HMCN2: variants seen among roughly 807,000 people sequenced by gnomAD.
HMCN2 encodes hemicentin-2.
Under a neutral mutation model 377.5 loss-of-function variants are expected in HMCN2, and 325 were observed. The ratio of observed to expected loss-of-function variants is 0.86; its 90% confidence interval spans 0.79 to 0.94. The LOEUF is 0.94. Among genes scored for constraint, HMCN2 ranks in the 40% least tolerant of loss-of-function variants. The pLI, the probability that HMCN2 is intolerant of heterozygous loss-of-function variation, is 0.00. For synonymous variants in HMCN2, 2,007 were observed against 2,046.8 expected (o/e 0.98, Z 0.53); for missense variants, 4,543 against 4,725.3 (o/e 0.96, Z 1.13).
chr9:130,380,559 G>A (rs1841654850), intron 54 of HMCN2, among the ~76,000 whole-genome samples: 1 of 152,108 alleles, frequency 6.6e-6, no homozygotes. Flanking sequence ...GGCTGAGGTG[G>A]GAGGATCGCT....
rs116669085 is a variant in HMCN2 at position 130,406,858 on chromosome 9, C to T, written c.12553+690C>T. The T allele has an allele frequency of 2.5e-3, 387 of 154,202 alleles. 1 individual carries two copies. The highest frequency in any genetic ancestry group is 8.8e-3 in the African/African-American group (368 of 41,596). The allele number at this position is 154,202 out of a possible 1,614,324, so 9.6% of individuals were successfully genotyped here. A position where few individuals can be genotyped will look rare whatever the true frequency, so the allele number is the denominator to read the frequency against. ...GACAATGGAGGGGCCGTGCTCGGCA[C>T]AGGCCTGGCCCGGAGTAGATGCCCA... On this transcript the variant is annotated intron_variant, in intron 82 of 97. Coordinates refer to ENST00000683500, the MANE Select transcript of HMCN2 (RefSeq NM_001291815.2).
At chr9:130,429,831 C>A in intron 94 of HMCN2, 146 bp downstream of exon 94, 1 of 1,390,922 alleles carries the variant, frequency 7.2e-7, no homozygotes, top group Non-Finnish European at 9.4e-7. Context: ...GTCTAAGGCG[C>A]CAGTGCTGTT....
intron 53 of HMCN2, among the ~76,000 whole-genome samples, chr9:130,378,536 G>C (rs1166052646): frequency 1.6e-5 from 2 of 127,478 alleles, no homozygotes; most frequent in Non-Finnish European, 3.4e-5. Flanking sequence ...GGGAGGCAGG[G>C]AGGTGGGAAG....
rs146467570 is a variant in HMCN2, at chr9:130,360,062, G to A, written c.5774-366G>A. Reference sequence around the variant, plus strand: ...GGGTCTTCTGGTAGGGGGAGGGCAGGGCTGAGTTTGACTCTCTCTGCTCCT... The same window carrying A: ...GGGTCTTCTGGTAGGGGGAGGGCAGAGCTGAGTTTGACTCTCTCTGCTCCT... On this transcript the variant is annotated intron_variant, in intron 37 of 97. Coordinates refer to ENST00000683500, the MANE Select transcript of HMCN2 (RefSeq NM_001291815.2). This position sits in a 1 kb window ranked among gnomAD's most constrained non-coding sequence, Gnocchi z 4.7. Among the ~76,000 whole-genome samples, 291 of 152,182 alleles carry A rather than the reference G, an allele frequency of 1.9e-3. 2 individuals are homozygous for A. Among genetic ancestry groups the A allele is most frequent in the African/African-American group, 6.6e-3 (275 of 41,496 alleles).
intron 87 of HMCN2, among the ~76,000 whole-genome samples, chr9:130,424,476 G>A (rs1219910840): frequency 1.3e-5 from 2 of 151,916 alleles, no homozygotes; most frequent in African/African-American, 2.4e-5. Context: ...ATGAGCCACC[G>A]CGCCCGGCCT....
intron 71 of HMCN2, 104 bp downstream of exon 71, chr9:130,395,451 C>G (rs997546860): frequency 3.0e-6 from 3 of 1,005,206 alleles, no homozygotes; most frequent in African/African-American, 3.4e-5. Context: ...AGGGCCCGCT[C>G]TGAGCTGCAC....
In HMCN2 at chr9:130,394,028, G is replaced by C. The variant is rs371431243; in HGVS notation, c.10501+20G>C. ...TCATGGGTGGGTCCTCTGGCCTCTG[G>C]CCAGCTTCTCTGGGCTCGGGGGAGA... On this transcript the variant is annotated intron_variant, in intron 68 of 97. Coordinates refer to ENST00000683500, the MANE Select transcript of HMCN2 (RefSeq NM_001291815.2). The surrounding 1 kb of genome is among the most constrained non-coding windows in gnomAD (Gnocchi z 5.1). 8 of 1,216,938 alleles carry C rather than the reference G, an allele frequency of 6.6e-6. No individual in the cohort carries two copies. The highest frequency in any genetic ancestry group is 8.4e-6 in the Non-Finnish European group (8 of 956,270). The allele number at this position is 1,216,938 out of a possible 1,614,324, so 75.4% of individuals were successfully genotyped here. A position where few individuals can be genotyped will look rare whatever the true frequency, so the allele number is the denominator to read the frequency against.
intron 85 of HMCN2, among the ~76,000 whole-genome samples, chr9:130,412,776 C>T (rs1238996233): frequency 6.6e-6 from 1 of 152,070 alleles, no homozygotes; most frequent in African/African-American, 2.4e-5. Context: ...GAGGTTTCGT[C>T]GTGTTGCCCA....
chr9:130,412,117 G>A (rs902809890), intron 85 of HMCN2, among the ~76,000 whole-genome samples: 4 of 152,028 alleles, frequency 2.6e-5, no homozygotes, highest in African/African-American at 4.8e-5. Flanking sequence ...GATTATAGGC[G>A]CACGCCACCA....
intron 74 of HMCN2, 77 bp downstream of exon 74, chr9:130,397,732 G>A: frequency 3.2e-6 from 4 of 1,232,656 alleles, no homozygotes; most frequent in South Asian, 1.3e-5. Flanking sequence ...AGTCACCCCA[G>A]CTGTAGGGGC....
chr9:130,424,982 T>C (rs1004084359), intron 88 of HMCN2, 27 bp from the exon 89 acceptor site: 1 of 1,527,746 alleles, frequency 6.5e-7, no homozygotes, highest in Admixed American at 2.0e-5. Context: ...CCGTGGTGAC[T>C]CTGGGCTGGG....
rs568917525 is a variant in HMCN2, at chr9:130,430,657, C to T, written c.14647+53C>T. On this transcript the variant is annotated intron_variant, in intron 95 of 97. Transcript: ENST00000683500. ...GACACTGCCGTTATGGGCTCTTGGG[C>T]CCCTAGGGTGGGTGTGCAGGTGTCA... 1.9e-4 allele frequency: 275 copies of T among 1,472,942 alleles called. 3 individuals are homozygous for T. In the South Asian group the frequency reaches 3.6e-3, roughly 19 times the overall value. The allele number at this position is 1,472,942 out of a possible 1,614,324, so 91.2% of individuals were successfully genotyped here.
At chr9:130,333,185 G>A (rs1261024568) in intron 22 of HMCN2, among the ~76,000 whole-genome samples, 1 of 152,200 alleles carries the variant, frequency 6.6e-6, no homozygotes, top group Non-Finnish European at 1.5e-5. Context: ...CGGGGACCTG[G>A]GCACACCTGG....
Position 130,395,935 on chromosome 9 carries a change from CA to C in HMCN2, c.10924del (p.Thr3642HisfsTer15). On this transcript the variant is annotated frameshift_variant, in exon 72 of 98. Coordinates refer to ENST00000683500, the MANE Select transcript of HMCN2 (RefSeq NM_001291815.2). LOFTEE classifies it high-confidence loss of function. ...GCGGGGCTCTCCAGGAGGACGCCCA[CA>C]CACAATTCCCGGAGCGGGGCAGGTT... The part of the protein sequence containing the change: ...DGIVLQEDAH[T>X]QFPERGRFLQ... 1 of 1,287,292 alleles carries C rather than the reference CA, an allele frequency of 7.8e-7. No individual in the cohort carries two copies. Among genetic ancestry groups the C allele is most frequent in the Non-Finnish European group, 1.0e-6 (1 of 988,544 alleles). The allele number at this position is 1,287,292 out of a possible 1,614,324, so 79.7% of individuals were successfully genotyped here.
chr9:130,343,382 C>T (rs1385441802), intron 25 of HMCN2, among the ~76,000 whole-genome samples: 3 of 152,134 alleles, frequency 2.0e-5, no homozygotes, highest in Admixed American at 6.5e-5. Flanking sequence ...AGCCACAGGA[C>T]GCCCTGGAAG....
Position 130,351,609 on chromosome 9 carries a change from C to A in HMCN2, c.4585+32C>A, listed in dbSNP as rs1364491514. ...CCCCACGCCTTCTGGGACCCCGCCA[C>A]AGGCTACTCAGGAAGCTTCCCACCC... On this transcript the variant is annotated intron_variant, in intron 30 of 97. Coordinates refer to ENST00000683500, the MANE Select transcript of HMCN2 (RefSeq NM_001291815.2). This position sits in a 1 kb window ranked among gnomAD's most constrained non-coding sequence, Gnocchi z 5.4. The A allele has an allele frequency of 2.3e-6, 3 of 1,287,834 alleles. No individual in the cohort carries two copies. The South Asian group carries it at 3.8e-5, about 16-fold the overall frequency. The allele number at this position is 1,287,834 out of a possible 1,614,324, so 79.8% of individuals were successfully genotyped here.
Position 130,430,560 on chromosome 9 carries a change from C to A in HMCN2, c.14603C>A (p.Ala4868Asp). 1.3e-6 allele frequency: 2 copies of A among 1,550,426 alleles called. No homozygotes were observed. Among genetic ancestry groups the A allele is most frequent in the Non-Finnish European group, 1.7e-6 (2 of 1,146,910 alleles). ...ATGGCCCTGAGCAGTGTGGGCCGGG[C>A]CTGGTGCCCTCCTGGTTTCATCAGG... ...GPMALSSVGR[A>D]WCPPGFIRQN... The change falls in exon 95 of 98, where the codon GCC becomes GAC. Residue 4868 changes from alanine to aspartate, a missense_variant. Physicochemically the swap from Ala to Asp is moderately radical, Grantham distance 126. This residue lies in a region of HMCN2 where 1,155 missense variants were observed against 1,157.7 expected (regional missense o/e 1.00). Coordinates refer to ENST00000683500, the MANE Select transcript of HMCN2 (RefSeq NM_001291815.2).
chr9:130,374,451 C>T, intron 48 of HMCN2, 51 bp from the exon 49 acceptor site: 1 of 938,970 alleles, frequency 1.1e-6, no homozygotes, highest in Non-Finnish European at 1.3e-6. Context: ...GACCCCTGGG[C>T]TGCCCTAGTC....
rs1444335099 is a variant in HMCN2, at chr9:130,376,668, G to T, written c.8061+10G>T. On this transcript the variant is annotated intron_variant, in intron 52 of 97. Transcript: ENST00000683500. The stretch of plus-strand genomic sequence containing the variant: ...GTACAAGGATGGACAGGTGAGTTTG[G>T]GACCCCCTGCGCAGCTTCTGGCTCT... The T allele has an allele frequency of 1.9e-5, 19 of 985,856 alleles. No individual in the cohort carries two copies. Among genetic ancestry groups the T allele is most frequent in the Non-Finnish European group, 2.3e-5 (19 of 830,014 alleles). 61.1% of individuals were successfully genotyped at this position (985,856 alleles called of 1,614,324 possible). A position where few individuals can be genotyped will look rare whatever the true frequency, so the allele number is the denominator to read the frequency against.
Sources: gnomAD v4.1 joint callset for allele counts (sites outside exome capture counted in the v4.1 genomes callset) on GRCh38, gnomAD v4.1.1 for gene constraint, gnomAD v4.1.1 regional missense constraint, Gnocchi (gnomAD v3.1) non-coding constraint, MANE v1.5 for transcripts, NCBI Gene and HGNC (gene_info 2026-07-23, HGNC 2026-07-21) for gene names.